AK9: variants seen among roughly 807,000 people sequenced by gnomAD.
AK9 encodes the protein adenylate kinase domain containing 1.
Under a neutral mutation model 239.6 loss-of-function variants are expected in AK9, and 191 were observed. The observed-to-expected ratio is 0.80, with a 90% CI of 0.71 to 0.90. The LOEUF (loss-of-function observed/expected upper bound fraction) is 0.90, where lower values mean the gene tolerates loss of function less well. AK9 is among the 40% of genes least tolerant of loss of function. AK9 has a pLI of 0.00. For synonymous variants in AK9, 689 were observed against 721.0 expected, an observed-to-expected ratio of 0.96 and a Z score of 0.71; for missense variants, 1,995 against 2,214.7, an observed-to-expected ratio of 0.90 and a Z score of 1.99.
intron 24 of AK9, among the ~76,000 whole-genome samples, chr6:109,557,208 T>C (rs1785109125): frequency 6.6e-6 from 1 of 152,138 alleles, no homozygotes; most frequent in Non-Finnish European, 1.5e-5. Flanking sequence ...TTGTTGTCAC[T>C]TTCTACTTGT....
rs552995742 is a variant in AK9, at chr6:109,585,294, A to T, written c.2000-57T>A. On this transcript the variant is annotated intron_variant, in intron 18 of 40. Coordinates refer to ENST00000424296, the MANE Select transcript of AK9 (RefSeq NM_001145128.3). Reference sequence around the variant, plus strand: ...TTTGTAGCTTATAAAATACAGTGAGATGTATTTTGAAGATTAACACAAACA... The same window carrying T: ...TTTGTAGCTTATAAAATACAGTGAGTTGTATTTTGAAGATTAACACAAACA... The T allele has an allele frequency of 1.2e-4, 73 of 599,178 alleles. No individual in the cohort carries two copies. In the African/African-American group the frequency reaches 1.4e-3, roughly 11 times the overall value. 37.1% of individuals were successfully genotyped at this position (599,178 alleles called of 1,614,324 possible). A position where few individuals can be genotyped will look rare whatever the true frequency, so the allele number is the denominator to read the frequency against.
intron 33 of AK9, among the ~76,000 whole-genome samples, chr6:109,508,828 G>A (rs529659651): frequency 8.5e-5 from 13 of 152,174 alleles, no homozygotes; most frequent in Non-Finnish European, 1.9e-4. Flanking sequence ...GCCCCTGGGG[G>A]ATGGGGGAGG....
chr6:109,576,289 T>G (rs1788062229), intron 20 of AK9, among the ~76,000 whole-genome samples: 1 of 151,924 alleles, frequency 6.6e-6, no homozygotes, highest in Admixed American at 6.6e-5. Flanking sequence ...TGCTCATGGA[T>G]TCTACCCATC....
At chr6:109,641,947 C>T (rs541593304) in intron 9 of AK9, among the ~76,000 whole-genome samples, 16 of 152,298 alleles carry the variant, frequency 1.1e-4, no homozygotes, top group Non-Finnish European at 2.2e-4. Flanking sequence ...TTGAGGGACA[C>T]ATTTCAACTC....
chr6:109,586,208 TTTTA>T, intron 17 of AK9, 136 bp from the exon 18 acceptor site: 2 of 815,378 alleles, frequency 2.5e-6, no homozygotes, highest in South Asian at 4.7e-5. Context: ...GGGTGACAAT[TTTTA>T]AAGCTAAACT....
intron 12 of AK9, among the ~76,000 whole-genome samples, chr6:109,621,127 A>G (rs1419207165): frequency 2.8e-5 from 4 of 144,144 alleles, no homozygotes; most frequent in African/African-American, 1.0e-4. Context: ...TGCAGCCAAA[A>G]AACACATGAA....
chr6:109,626,705 G>C (rs1246104164), intron 12 of AK9, among the ~76,000 whole-genome samples: 1 of 152,162 alleles, frequency 6.6e-6, no homozygotes, highest in East Asian at 1.9e-4. Context: ...CAATGTTAAG[G>C]ATTTGTATGT....
chr6:109,511,535 G>A (rs1205969354), intron 32 of AK9, among the ~76,000 whole-genome samples: 1 of 152,170 alleles, frequency 6.6e-6, no homozygotes, highest in Non-Finnish European at 1.5e-5. Flanking sequence ...GGCTTCTCCT[G>A]AGTGAGACAA....
chr6:109,683,727 C>T (rs1773030123), intron 1 of AK9, among the ~76,000 whole-genome samples: 1 of 152,114 alleles, frequency 6.6e-6, no homozygotes, highest in African/African-American at 2.4e-5. Context: ...GAATTACAAA[C>T]CACTGCTCAA....
intron 8 of AK9, among the ~76,000 whole-genome samples, chr6:109,647,246 T>C (rs1329919685): frequency 6.6e-6 from 1 of 152,134 alleles, no homozygotes; most frequent in African/African-American, 2.4e-5. Context: ...CAATATTAAC[T>C]TTAAATGTAA....
rs548280472 is a variant in AK9 at position 109,578,825 on chromosome 6, C to CT, written c.2191+724dup. 3.3e-3 allele frequency among the ~76,000 whole-genome samples: 459 copies of CT among 139,280 alleles called. 1 individual carries two copies. Among genetic ancestry groups the CT allele is most frequent in the African/African-American group, 0.011 (450 of 39,436 alleles). 91.4% of individuals were successfully genotyped at this position (139,280 alleles called of 152,430 possible). On this transcript the variant is annotated intron_variant, in intron 20 of 40. Transcript: ENST00000424296. ...TAAAGAACATTCAGGAGCAGGTTGT[C>CT]TAATTTCCATGTATTCGTATAGTTT...
intron 1 of AK9, among the ~76,000 whole-genome samples, chr6:109,682,671 C>A (rs887887659): frequency 6.6e-6 from 1 of 152,056 alleles, no homozygotes; most frequent in African/African-American, 2.4e-5. Context: ...AATACCTGGA[C>A]ACATACACCC....
chr6:109,623,487 A>T (rs1185914335), intron 12 of AK9, among the ~76,000 whole-genome samples: 1 of 152,124 alleles, frequency 6.6e-6, no homozygotes, highest in African/African-American at 2.4e-5. Context: ...CATTCATGTG[A>T]TCGAGCCATC....
chr6:109,602,001 C>A (rs1455643920), intron 17 of AK9, among the ~76,000 whole-genome samples: 1 of 152,190 alleles, frequency 6.6e-6, no homozygotes, highest in African/African-American at 2.4e-5. Flanking sequence ...CTGAATACAG[C>A]ACACTGATGG....
intron 33 of AK9, among the ~76,000 whole-genome samples, chr6:109,507,963 T>C (rs2128106244): frequency 6.6e-6 from 1 of 152,354 alleles, no homozygotes; most frequent in South Asian, 2.1e-4. Flanking sequence ...TGTTTCTGTA[T>C]CTCACTGCCA....
At position 109,496,967 on chromosome 6, in the gene AK9, G is replaced by A. The variant is rs368441278; in HGVS notation, c.5315+498C>T. Among the ~76,000 whole-genome samples the A allele has an allele frequency of 2.6e-5, 4 of 152,188 alleles. No individual in the cohort carries two copies. The East Asian group carries it at 5.8e-4, about 22-fold the overall frequency. ...CATGAAACCGCAAACGCTTCATGGT[G>A]GTCTTACTTGACCTTCCACACTCTG... On this transcript the variant is annotated intron_variant, in intron 38 of 40. Transcript: ENST00000424296.
intron 30 of AK9, 79 bp from the exon 31 acceptor site, chr6:109,516,154 GC>G: frequency 1.7e-6 from 2 of 1,209,348 alleles, no homozygotes. Context: ...TGTAGACACT[GC>G]TGGTGACTGA....
At position 109,507,323 on chromosome 6, in the gene AK9, G is replaced by C. The variant is rs189288019; in HGVS notation, c.4482-523C>G. On this transcript the variant is annotated intron_variant, in intron 33 of 40. Coordinates refer to ENST00000424296, the MANE Select transcript of AK9 (RefSeq NM_001145128.3). ...TAGATGCTCAAGAAGTAGTATTTTA[G>C]TAAGAGACTAAGCCAATATGGAAAA... Among the ~76,000 whole-genome samples the C allele has an allele frequency of 1.6e-4, 24 of 149,062 alleles. No individual in the cohort carries two copies. In the East Asian group the frequency reaches 3.8e-3, roughly 24 times the overall value.
At chr6:109,570,806 G>T (rs17070733) in intron 21 of AK9, among the ~76,000 whole-genome samples, 4,371 of 152,242 alleles carry the variant, frequency 0.029, 98 homozygotes, top group East Asian at 0.11. Context: ...TTTTGAGCTA[G>T]ACAAAGATTG....
Sources: allele counts gnomAD v4.1 joint callset (sites outside exome capture counted in the v4.1 genomes callset), GRCh38; gene constraint gnomAD v4.1.1; transcripts MANE v1.5; gene names NCBI Gene and HGNC (gene_info 2026-07-23, HGNC 2026-07-21).